The following PDE1C variants were observed in gnomAD, a reference collection of about 807,000 sequenced individuals.
The protein encoded by PDE1C is phosphodiesterase 1C, also known as dual specificity calcium/calmodulin-dependent 3',5'-cyclic nucleotide phosphodiesterase 1C.
A neutral mutation model predicts 93.1 loss-of-function variants in PDE1C; 62 were observed. The ratio of observed to expected loss-of-function variants is 0.67; its 90% CI spans 0.54 to 0.82. The LOEUF is 0.82. Among genes scored for constraint, PDE1C ranks in the 40% least tolerant of loss-of-function variants. The pLI is 0.00. For missense variants in PDE1C, 742 were observed against 884.6 expected (o/e 0.84, Z 2.04); for synonymous variants, 325 against 310.1 (o/e 1.05, Z -0.50).
At chr7:31,950,589 T>C (rs1249971815) in intron 2 of PDE1C, among the ~76,000 whole-genome samples, 2 of 152,212 alleles carry the variant, frequency 1.3e-5, no homozygotes, top group Admixed American at 1.3e-4. Flanking sequence ...ATGTTCTTTC[T>C]TGACTCCACT....
the PDE1C span, among the ~76,000 whole-genome samples, chr7:31,682,111 A>C: frequency 6.6e-6 from 1 of 152,132 alleles, no homozygotes; most frequent in African/African-American, 2.4e-5. Context: ...CATCCATAAG[A>C]AGGGGATGAT....
the PDE1C span, chr7:31,696,887 T>C: frequency 2.7e-6 from 4 of 1,479,216 alleles, no homozygotes; most frequent in Non-Finnish European, 2.7e-6. Context: ...ACCAGATGTC[T>C]ATAAATATGC....
At position 32,030,897 on chromosome 7, in the gene PDE1C, T is replaced by A. The variant is rs114527109; in HGVS notation, c.128+20657A>T. The stretch of plus-strand genomic sequence containing the variant: ...AACCACCAAGAAAAATATTTAAAGG[T>A]GACCAAGTGGTCTAAGTTTCTCTTG... On this transcript the variant is annotated intron_variant, in intron 2 of 17. Transcript: ENST00000396191. Among the ~76,000 whole-genome samples the A allele has an allele frequency of 4.9e-3, 737 of 151,776 alleles. 5 individuals carry two copies. The highest frequency in any genetic ancestry group is 0.017 in the African/African-American group (710 of 41,394).
intron 1 of PDE1C, among the ~76,000 whole-genome samples, chr7:32,306,128 C>T (rs148935581): frequency 1.3e-5 from 2 of 152,150 alleles, no homozygotes; most frequent in East Asian, 3.9e-4. Context: ...GTAAGACGTG[C>T]CTTTCACCTT....
the PDE1C span, among the ~76,000 whole-genome samples, chr7:31,672,672 G>C: frequency 1.3e-5 from 2 of 152,066 alleles, no homozygotes; most frequent in Non-Finnish European, 2.9e-5. Flanking sequence ...ATGAAAAGAA[G>C]CTGAGACCAT....
At chr7:31,625,612 G>T in the PDE1C span, among the ~76,000 whole-genome samples, 2 of 152,030 alleles carry the variant, frequency 1.3e-5, no homozygotes, top group Non-Finnish European at 2.9e-5. Flanking sequence ...TCACACTCTG[G>T]GGACTGTTGT....
At chr7:31,652,447 C>T in the PDE1C span, 5 of 1,499,626 alleles carry the variant, frequency 3.3e-6, no homozygotes, top group African/African-American at 4.2e-5. Flanking sequence ...GCCTAGCTCA[C>T]AAGTTTGAGT....
intron 1 of PDE1C, among the ~76,000 whole-genome samples, chr7:32,056,353 TCTC>T (rs1380269252): frequency 1.5e-5 from 2 of 133,588 alleles, no homozygotes; most frequent in African/African-American, 5.8e-5. Context: ...TCTCTCTCTC[TCTC>T]TCTCTCACTG....
chr7:31,735,655 G>A, the PDE1C span, among the ~76,000 whole-genome samples: 2 of 152,166 alleles, frequency 1.3e-5, no homozygotes, highest in East Asian at 3.9e-4. Context: ...AGTCATAAAT[G>A]TTAAATGAAA....
At chr7:31,690,316 T>C in the PDE1C span, among the ~76,000 whole-genome samples, 2 of 152,254 alleles carry the variant, frequency 1.3e-5, no homozygotes, top group Non-Finnish European at 2.9e-5. Flanking sequence ...GCAGCTATGC[T>C]ATTTCATCTT....
the PDE1C span, among the ~76,000 whole-genome samples, chr7:31,721,251 T>C: frequency 6.1e-3 from 931 of 152,292 alleles, 8 homozygotes; most frequent in African/African-American, 0.021. Context: ...GCAACAGAGC[T>C]CCTGTTATCT....
chr7:32,075,013 C>G (rs901226678), upstream of PDE1C, among the ~76,000 whole-genome samples: 1 of 152,126 alleles, frequency 6.6e-6, no homozygotes, highest in Non-Finnish European at 1.5e-5. Context: ...GTGGAGGGTA[C>G]CTGCTGCCCT....
chr7:32,317,272 C>A (rs1783194679), intron 1 of PDE1C, among the ~76,000 whole-genome samples: 1 of 152,160 alleles, frequency 6.6e-6, no homozygotes. Flanking sequence ...GGGATCTATA[C>A]CGTGGTCCAG....
At chr7:32,031,536 C>G (rs1790321202) in intron 2 of PDE1C, among the ~76,000 whole-genome samples, 1 of 152,098 alleles carries the variant, frequency 6.6e-6, no homozygotes, top group African/African-American at 2.4e-5. Context: ...GTGTTAACAG[C>G]CAGTTCCTTT....
chr7:32,059,841 A>G (rs896440706), intron 1 of PDE1C, among the ~76,000 whole-genome samples: 1 of 152,228 alleles, frequency 6.6e-6, no homozygotes, highest in African/African-American at 2.4e-5. Context: ...ATGCTTGTGG[A>G]AGCCCAAGTA....
At chr7:31,991,908 G>A (rs995635994) in intron 2 of PDE1C, among the ~76,000 whole-genome samples, 2 of 152,200 alleles carry the variant, frequency 1.3e-5, no homozygotes, top group Non-Finnish European at 2.9e-5. Context: ...ATTCTGCAGT[G>A]TGAATCATTG....
At chr7:32,332,435 A>C (rs1783533718) in intron 1 of PDE1C, among the ~76,000 whole-genome samples, 1 of 152,070 alleles carries the variant, frequency 6.6e-6, no homozygotes, top group Admixed American at 6.6e-5. Flanking sequence ...ATTTATGGTA[A>C]TTTAAACTGA....
chr7:31,877,177 G>A (rs764294349), intron 5 of PDE1C, among the ~76,000 whole-genome samples: 2 of 152,146 alleles, frequency 1.3e-5, no homozygotes, highest in Non-Finnish European at 2.9e-5. Context: ...GTGATCTTGG[G>A]CTACAGGATC....
chr7:32,071,459 T>G (rs911786097), upstream of PDE1C: 7 of 976,444 alleles, frequency 7.2e-6, no homozygotes, highest in Non-Finnish European at 6.1e-6. Context: ...TCGCTCGCGC[T>G]CTCTCTCCTC....
Sources: allele counts gnomAD v4.1 joint callset (sites outside exome capture counted in the v4.1 genomes callset), GRCh38; gene constraint gnomAD v4.1.1; transcripts MANE v1.5; gene names NCBI Gene and HGNC (gene_info 2026-07-23, HGNC 2026-07-21).